Variants in BCAS1 observed in about 807,000 individuals in gnomAD.
BCAS1 encodes the protein breast carcinoma-amplified sequence 1.
Under a neutral mutation model 65.4 loss-of-function variants are expected in BCAS1, and 46 were observed. The observed-to-expected ratio is 0.70, with a 90% CI of 0.55 to 0.90. The LOEUF (loss-of-function observed/expected upper bound fraction) is 0.90. Ranked by LOEUF, BCAS1 falls within the 40% of genes least tolerant of loss-of-function variation. The probability of loss-of-function intolerance (pLI) is 0.00; values close to 1 mark genes in which losing one functional copy is unlikely to be tolerated. For missense variants in BCAS1, 793 were observed against 771.2 expected (o/e 1.03, Z -0.33); for synonymous variants, 298 against 293.5 (o/e 1.02, Z -0.16).
chr20:54,059,915 G>A (rs1483757866), intron 1 of BCAS1, among the ~76,000 whole-genome samples: 1 of 152,220 alleles, frequency 6.6e-6, no homozygotes, highest in African/African-American at 2.4e-5. Flanking sequence ...ATTGAGCACA[G>A]CTCTGCACCT....
chr20:53,953,941 C>A (rs773889696), intron 11 of BCAS1, among the ~76,000 whole-genome samples: 1 of 152,050 alleles, frequency 6.6e-6, no homozygotes, highest in Non-Finnish European at 1.5e-5. Context: ...ACTCTTTATC[C>A]CTTATTCTGG....
chr20:53,984,899 G>A (rs969308463), intron 8 of BCAS1, among the ~76,000 whole-genome samples: 5 of 152,168 alleles, frequency 3.3e-5, no homozygotes, highest in African/African-American at 1.2e-4. Context: ...GAGGAGTGAA[G>A]ACAGACAGCC....
rs767657877 is a variant in BCAS1 at position 53,944,960 on chromosome 20, C to T, written c.1852G>A (p.Asp618Asn). The change falls in exon 13 of 13, where the codon GAC becomes AAC. Residue 618 changes from aspartate to asparagine, a missense_variant. Asp to Asn is a conservative substitution (Grantham distance 23). Transcript: ENST00000688948. ...CCAACTGGTCCGATGGATACTGGGTCTGTTTGCACTTGAGCATCCAACATC... is the reference window on the plus strand; with the variant it reads ...CCAACTGGTCCGATGGATACTGGGTTTGTTTGCACTTGAGCATCCAACATC... Reference protein sequence around the residue: ...KRMLDAQVQTDPVSIGPVGKS... With the variant: ...KRMLDAQVQTNPVSIGPVGKS... 9.3e-6 allele frequency: 15 copies of T among 1,614,104 alleles called. No individual in the cohort carries two copies. The highest frequency in any genetic ancestry group is 1.1e-5 in the Non-Finnish European group (13 of 1,180,018).
At chr20:54,059,083 C>T (rs2092344500) in intron 1 of BCAS1, among the ~76,000 whole-genome samples, 1 of 152,158 alleles carries the variant, frequency 6.6e-6, no homozygotes, top group African/African-American at 2.4e-5. Context: ...CACTCAGTAT[C>T]ACGAGAACAG....
At chr20:53,990,057 G>T (rs957571324) in intron 7 of BCAS1, among the ~76,000 whole-genome samples, 1 of 152,096 alleles carries the variant, frequency 6.6e-6, no homozygotes. Flanking sequence ...ATAAATTTTC[G>T]TCTTGTTTTC....
chr20:53,971,588 C>T (rs1299394228), intron 9 of BCAS1, among the ~76,000 whole-genome samples: 1 of 152,180 alleles, frequency 6.6e-6, no homozygotes, highest in Non-Finnish European at 1.5e-5. Context: ...TTACTTTGGA[C>T]TGAGTGATGT....
At chr20:54,004,844 C>T (rs113538892) in intron 4 of BCAS1, among the ~76,000 whole-genome samples, 65 of 152,344 alleles carry the variant, frequency 4.3e-4, no homozygotes, top group African/African-American at 1.3e-3. Context: ...CTGCCATCTA[C>T]ACCTCTGCAG....
intron 4 of BCAS1, among the ~76,000 whole-genome samples, chr20:53,996,477 A>AG (rs1555858544): frequency 2.5e-4 from 36 of 145,366 alleles, no homozygotes; most frequent in African/African-American, 8.2e-4. Flanking sequence ...AAAAAAAAAA[A>AG]AAAAAGAAAA....
chr20:54,034,284 G>A (rs2091857390), intron 3 of BCAS1, among the ~76,000 whole-genome samples: 1 of 151,256 alleles, frequency 6.6e-6, no homozygotes, highest in African/African-American at 2.4e-5. Flanking sequence ...CTTGGCCAGG[G>A]CAATCGGGCA....
At chr20:54,041,488 T>C (rs1758727414) in intron 3 of BCAS1, among the ~76,000 whole-genome samples, 4 of 152,092 alleles carry the variant, frequency 2.6e-5, no homozygotes, top group Admixed American at 6.5e-5. Context: ...GCCTCATAAA[T>C]AGTAAAATAA....
At position 54,019,698 on chromosome 20, in the gene BCAS1, AGGT is replaced by A. The variant is rs200469772; in HGVS notation, c.723+8691_723+8693del. 3.3e-5 allele frequency among the ~76,000 whole-genome samples: 5 copies of A among 152,322 alleles called. No individual in the cohort carries two copies. The East Asian group carries it at 9.6e-4, about 29-fold the overall frequency. On this transcript the variant is annotated intron_variant, in intron 4 of 12. Coordinates refer to ENST00000688948, the MANE Select transcript of BCAS1 (RefSeq NM_001366298.2). The stretch of plus-strand genomic sequence containing the variant: ...TGGCTAGAACAAAGCAGGTGGAAGA[AGGT>A]GGGATAAGCTGGGTTGCTGAGTCTT...
chr20:54,029,246 A>G, intron 3 of BCAS1: 2 of 985,090 alleles, frequency 2.0e-6, no homozygotes, highest in Non-Finnish European at 2.4e-6. Context: ...AATGTTAATT[A>G]ATCTTCTTTT....
At chr20:54,027,021 A>G (rs1480229072) in intron 4 of BCAS1, among the ~76,000 whole-genome samples, 1 of 130,042 alleles carries the variant, frequency 7.7e-6, no homozygotes. Flanking sequence ...CACACTCAGT[A>G]AAGAGCAGAT....
intron 3 of BCAS1, among the ~76,000 whole-genome samples, chr20:54,050,140 CCT>C (rs1362022273): frequency 1.3e-5 from 2 of 152,100 alleles, no homozygotes; most frequent in African/African-American, 4.8e-5. Context: ...CATCTTTAAG[CCT>C]CTCTCTCTTT....
At chr20:54,056,347 A>T (rs1260608052) in intron 3 of BCAS1, among the ~76,000 whole-genome samples, 3 of 152,216 alleles carry the variant, frequency 2.0e-5, no homozygotes, top group Non-Finnish European at 4.4e-5. Context: ...AAGTGAAGCA[A>T]CTTAAGGACA....
intron 3 of BCAS1, among the ~76,000 whole-genome samples, chr20:54,030,001 T>C (rs1338665450): frequency 6.6e-6 from 1 of 152,198 alleles, no homozygotes; most frequent in East Asian, 1.9e-4. Context: ...AAATTAGACC[T>C]CAGGCCAGTG....
At chr20:53,969,571 C>T (rs985728296) in intron 9 of BCAS1, among the ~76,000 whole-genome samples, 26 of 152,106 alleles carry the variant, frequency 1.7e-4, no homozygotes, top group East Asian at 3.9e-4. Context: ...GCATTTTCTG[C>T]GGCAACTCAA....
At chr20:54,064,971 G>A (rs2092418212) in intron 1 of BCAS1, among the ~76,000 whole-genome samples, 1 of 152,124 alleles carries the variant, frequency 6.6e-6, no homozygotes, top group African/African-American at 2.4e-5. Context: ...ATACATCGTG[G>A]TACCGTGCGA....
At position 53,995,064 on chromosome 20, in the gene BCAS1, G is replaced by A. The variant is rs542484047; in HGVS notation, c.883-8C>T. The A allele has an allele frequency of 1.6e-5, 25 of 1,609,928 alleles. No individual in the cohort carries two copies. The South Asian group carries it at 2.4e-4, about 16-fold the overall frequency. ...AGCTTTGTTAGGTGAAACCTTAAAA[G>A]TTTGAGAAAGCCAAATATTAGAAAT... On this transcript the variant is annotated splice_polypyrimidine_tract_variant and splice_region_variant and intron_variant, in intron 5 of 12. Coordinates refer to ENST00000688948, the MANE Select transcript of BCAS1 (RefSeq NM_001366298.2).
Sources: allele counts gnomAD v4.1 joint callset (sites outside exome capture counted in the v4.1 genomes callset), GRCh38; gene constraint gnomAD v4.1.1; transcripts MANE v1.5; gene names NCBI Gene and HGNC (gene_info 2026-07-23, HGNC 2026-07-21).